The following TAF2 variants were observed in gnomAD, a reference collection of about 807,000 sequenced individuals.
TAF2 encodes TATA-box binding protein associated factor 2.
TAF2 carries 61 observed loss-of-function variants against 138.5 expected under a neutral mutation model. The ratio of observed to expected loss-of-function variants is 0.44; its 90% CI spans 0.36 to 0.54. The LOEUF (loss-of-function observed/expected upper bound fraction) is 0.54. Among genes scored for constraint, TAF2 ranks in the 20% least tolerant of loss-of-function variants. The pLI, the probability that TAF2 is intolerant of heterozygous loss-of-function variation, is 0.00. For synonymous variants in TAF2, 475 were observed against 469.9 expected, an observed-to-expected ratio of 1.01 and a Z score of -0.14; for missense variants, 1,090 against 1,427.9, an observed-to-expected ratio of 0.76 and a Z score of 3.81.
intron 3 of TAF2, 68 bp from the exon 4 acceptor site, chr8:119,806,469 C>CA (rs1824657565): frequency 3.9e-6 from 3 of 762,312 alleles, no homozygotes; most frequent in South Asian, 1.7e-5. Context: ...TTCTTTCTTT[C>CA]TTTTTTTTTT....
intron 8 of TAF2, among the ~76,000 whole-genome samples, chr8:119,796,589 C>G (rs1420133759): frequency 6.6e-6 from 1 of 152,018 alleles, no homozygotes; most frequent in Non-Finnish European, 1.5e-5. Flanking sequence ...ATTCTAACTT[C>G]AGATTTCTGT....
intron 25 of TAF2, among the ~76,000 whole-genome samples, chr8:119,734,573 C>A (rs1819095044): frequency 6.6e-6 from 1 of 152,162 alleles, no homozygotes; most frequent in African/African-American, 2.4e-5. Context: ...CTGTGTATTT[C>A]TAAATGCTAT....
At chr8:119,771,208 T>C (rs986705699) in intron 18 of TAF2, among the ~76,000 whole-genome samples, 1 of 151,944 alleles carries the variant, frequency 6.6e-6, no homozygotes, top group Non-Finnish European at 1.5e-5. Flanking sequence ...ACTACGCAAA[T>C]GAAAAATAAA....
chr8:119,782,020 T>C (rs1006031192), intron 16 of TAF2, among the ~76,000 whole-genome samples: 2 of 152,238 alleles, frequency 1.3e-5, no homozygotes, highest in African/African-American at 4.8e-5. Context: ...ATAATTATTT[T>C]CTACAAGTTA....
intron 6 of TAF2, among the ~76,000 whole-genome samples, chr8:119,799,154 T>C (rs1824050274): frequency 2.6e-5 from 2 of 77,166 alleles, no homozygotes; most frequent in African/African-American, 8.5e-5. Flanking sequence ...TTTTAAAATT[T>C]TTTTATATTA....
chr8:119,738,200 T>G (rs1819363324), intron 25 of TAF2, among the ~76,000 whole-genome samples: 1 of 152,110 alleles, frequency 6.6e-6, no homozygotes, highest in Non-Finnish European at 1.5e-5. Flanking sequence ...TTGCTTATTA[T>G]CTATCTCTCC....
At chr8:119,770,110 A>G (rs1302879329) in intron 18 of TAF2, among the ~76,000 whole-genome samples, 3 of 151,768 alleles carry the variant, frequency 2.0e-5, no homozygotes, top group African/African-American at 7.3e-5. Context: ...TGGAATACAT[A>G]AAGTGACCAA....
At position 119,746,507 on chromosome 8, in the gene TAF2, C is replaced by T. The variant is rs990289179; in HGVS notation, c.3108+198G>A. Among the ~76,000 whole-genome samples the T allele has an allele frequency of 2.0e-5, 3 of 151,832 alleles. No homozygotes were observed. In the East Asian group the frequency reaches 5.8e-4, roughly 29 times the overall value. On this transcript the variant is annotated intron_variant, in intron 23 of 25. Coordinates refer to ENST00000378164, the MANE Select transcript of TAF2 (RefSeq NM_003184.4). ...GTAACAGGACCGGGAGCACATCATT[C>T]GTTATGTGCAGTTTTATAGTTGCCA... is the stretch of plus-strand genomic sequence containing the variant.
chr8:119,803,813 TCTTG>T, intron 5 of TAF2, 61 bp downstream of exon 5: 1 of 1,431,204 alleles, frequency 7.0e-7, no homozygotes, highest in Non-Finnish European at 9.6e-7. Flanking sequence ...CAAATGTATG[TCTTG>T]CTTATACATA....
At chr8:119,738,750 G>A (rs1375356359) in intron 25 of TAF2, among the ~76,000 whole-genome samples, 1 of 152,150 alleles carries the variant, frequency 6.6e-6, no homozygotes, top group Non-Finnish European at 1.5e-5. Context: ...CAGCCCATGT[G>A]ATGAAAGTGC....
intron 22 of TAF2, among the ~76,000 whole-genome samples, chr8:119,755,608 T>C (rs1820650134): frequency 6.6e-6 from 1 of 152,244 alleles, no homozygotes; most frequent in Non-Finnish European, 1.5e-5. Context: ...TTATTCTATA[T>C]GCACTACCTG....
intron 3 of TAF2, among the ~76,000 whole-genome samples, chr8:119,807,482 G>C (rs1287885124): frequency 6.6e-6 from 1 of 152,180 alleles, no homozygotes; most frequent in Non-Finnish European, 1.5e-5. Context: ...ATACGGAATG[G>C]GAAGGGCAAG....
chr8:119,776,932 C>T (rs1356807325), intron 18 of TAF2, among the ~76,000 whole-genome samples: 1 of 152,156 alleles, frequency 6.6e-6, no homozygotes, highest in Non-Finnish European at 1.5e-5. Flanking sequence ...GTTCCATATC[C>T]ATGGATTCTG....
chr8:119,753,372 C>A (rs1042212231), intron 22 of TAF2, among the ~76,000 whole-genome samples: 1 of 152,068 alleles, frequency 6.6e-6, no homozygotes, highest in Non-Finnish European at 1.5e-5. Flanking sequence ...ATTCATTTAT[C>A]CCAAAGGTTC....
intron 11 of TAF2, among the ~76,000 whole-genome samples, 192 bp from the exon 12 acceptor site, chr8:119,789,938 C>T (rs1823301925): frequency 6.6e-6 from 1 of 151,962 alleles, no homozygotes; most frequent in Non-Finnish European, 1.5e-5. Flanking sequence ...AATACAAAAC[C>T]ATTCTTCATA....
intron 18 of TAF2, among the ~76,000 whole-genome samples, chr8:119,769,023 C>T (rs1244932454): frequency 6.6e-6 from 1 of 152,190 alleles, no homozygotes; most frequent in Non-Finnish European, 1.5e-5. Context: ...GGAGCTAGTG[C>T]AGCCCCCCTG....
At chr8:119,805,987 C>T (rs1824611003) in intron 4 of TAF2, among the ~76,000 whole-genome samples, 2 of 151,800 alleles carry the variant, frequency 1.3e-5, no homozygotes, top group African/African-American at 2.4e-5. Context: ...TCACTGCAAT[C>T]TCCACCTCCT....
At chr8:119,751,278 A>T (rs1456820136) in intron 22 of TAF2, among the ~76,000 whole-genome samples, 1 of 152,198 alleles carries the variant, frequency 6.6e-6, no homozygotes, top group African/African-American at 2.4e-5. Context: ...AACAAAAGTC[A>T]GCCTGGTTCT....
chr8:119,818,732 C>CCACACACACA (rs199991010), intron 3 of TAF2, among the ~76,000 whole-genome samples: 119 of 110,968 alleles, frequency 1.1e-3, no homozygotes, highest in South Asian at 6.7e-3. Context: ...AAAATGAAGT[C>CCACACACACA]CACACACACA....
Sources: gnomAD v4.1 joint callset for allele counts (sites outside exome capture counted in the v4.1 genomes callset) on GRCh38, gnomAD v4.1.1 for gene constraint, MANE v1.5 for transcripts, NCBI Gene and HGNC (gene_info 2026-07-23, HGNC 2026-07-21) for gene names.